GPHN: variants seen among roughly 807,000 people sequenced by gnomAD.
GPHN encodes gephyrin.
In GPHN, 17 loss-of-function variants were observed where a neutral mutation model predicts 95.5. The ratio of observed to expected loss-of-function variants is 0.18; its 90% CI spans 0.12 to 0.27. GPHN has a LOEUF of 0.27. GPHN is among the 10% of genes least tolerant of loss of function. The probability of loss-of-function intolerance (pLI) is 1.00; values close to 1 mark genes in which losing one functional copy is unlikely to be tolerated. For missense variants in GPHN, 660 were observed against 978.1 expected, an observed-to-expected ratio of 0.67 and a Z score of 4.34; for synonymous variants, 320 against 322.5, an observed-to-expected ratio of 0.99 and a Z score of 0.08.
intron 17 of GPHN, among the ~76,000 whole-genome samples, chr14:67,134,359 G>A (rs1237083268): frequency 1.3e-5 from 2 of 152,176 alleles, no homozygotes; most frequent in Non-Finnish European, 1.5e-5. Flanking sequence ...TGCCAAATAA[G>A]TTGGCTTCCT....
At chr14:67,036,501 G>GCACACA (rs762967467) in intron 10 of GPHN, among the ~76,000 whole-genome samples, 1,723 of 118,162 alleles carry the variant, frequency 0.015, 37 homozygotes, top group Middle Eastern at 0.035. Flanking sequence ...ATACATACAT[G>GCACACA]CACACACACA....
the GPHN span, among the ~76,000 whole-genome samples, chr14:67,601,039 G>A: frequency 0.86 from 130,751 of 152,246 alleles, 56,552 homozygotes; most frequent in Admixed American, 0.91. Flanking sequence ...GTTGATGACA[G>A]TCTCTGCCCT....
At chr14:67,100,818 A>G (rs1399065839) in intron 12 of GPHN, 38 bp from the exon 13 acceptor site, 5 of 1,387,140 alleles carry the variant, frequency 3.6e-6, no homozygotes, top group Middle Eastern at 1.8e-4. Context: ...CTGTAGGTCC[A>G]TACTGATGTT....
the GPHN span, among the ~76,000 whole-genome samples, chr14:67,443,586 AAAAG>A: frequency 7.4e-4 from 113 of 152,188 alleles, no homozygotes; most frequent in African/African-American, 2.5e-3. Context: ...AGGAAAAAAA[AAAAG>A]AAAGAAAGAA....
At chr14:67,087,120 G>A (rs2076938097) in intron 11 of GPHN, among the ~76,000 whole-genome samples, 1 of 151,604 alleles carries the variant, frequency 6.6e-6, no homozygotes, top group African/African-American at 2.4e-5. Context: ...GGGATTAAGT[G>A]AGATTATATA....
chr14:66,743,220 G>A (rs1334413339), intron 2 of GPHN, among the ~76,000 whole-genome samples: 1 of 151,280 alleles, frequency 6.6e-6, no homozygotes. Flanking sequence ...TATACTTCTG[G>A]TAGACTTTTA....
At chr14:67,165,535 A>T (rs2082226579) in intron 20 of GPHN, among the ~76,000 whole-genome samples, 1 of 152,220 alleles carries the variant, frequency 6.6e-6, no homozygotes, top group Admixed American at 6.5e-5. Flanking sequence ...ATCTTTCTGG[A>T]GCACCTGCTT....
chr14:67,164,171 G>A (rs1369213542), intron 19 of GPHN, among the ~76,000 whole-genome samples: 4 of 150,968 alleles, frequency 2.6e-5, no homozygotes, highest in East Asian at 4.0e-4. Flanking sequence ...GGGAGGCTGA[G>A]GCAGGAGAAT....
At chr14:67,595,032 G>C in the GPHN span, among the ~76,000 whole-genome samples, 1 of 152,088 alleles carries the variant, frequency 6.6e-6, no homozygotes, top group Non-Finnish European at 1.5e-5. Flanking sequence ...AGCTACTCGG[G>C]AGGCTGAGGC....
the GPHN span, among the ~76,000 whole-genome samples, chr14:67,361,996 G>T: frequency 6.6e-6 from 1 of 150,774 alleles, no homozygotes; most frequent in Non-Finnish European, 1.5e-5. Flanking sequence ...TAATTACTTA[G>T]GTAAGAGTCT....
the GPHN span, among the ~76,000 whole-genome samples, chr14:67,665,845 CTGTT>C: frequency 6.6e-6 from 1 of 152,044 alleles, no homozygotes; most frequent in Non-Finnish European, 1.5e-5. Context: ...AAACCCATGG[CTGTT>C]TGTTGTTTAA....
At chr14:66,593,795 C>G (rs2061860353) in intron 1 of GPHN, among the ~76,000 whole-genome samples, 1 of 152,052 alleles carries the variant, frequency 6.6e-6, no homozygotes, top group Admixed American at 6.6e-5. Flanking sequence ...CACTTTTGTT[C>G]AACACAGTAC....
the GPHN span, among the ~76,000 whole-genome samples, chr14:67,215,409 T>G: frequency 6.6e-6 from 1 of 151,932 alleles, no homozygotes; most frequent in Non-Finnish European, 1.5e-5. Context: ...ATCTATTGTT[T>G]TTTTTTTTTA....
At chr14:67,328,972 G>A in the GPHN span, among the ~76,000 whole-genome samples, 1 of 152,006 alleles carries the variant, frequency 6.6e-6, no homozygotes, top group Non-Finnish European at 1.5e-5. Context: ...CTCTTTTTTG[G>A]TTCCATATGA....
the GPHN span, among the ~76,000 whole-genome samples, chr14:67,478,466 C>G: frequency 6.6e-6 from 1 of 152,246 alleles, no homozygotes; most frequent in Non-Finnish European, 1.5e-5. Flanking sequence ...GGTCTCCCAG[C>G]TTTGCCTTCT....
At chr14:67,193,530 T>C in the GPHN span, among the ~76,000 whole-genome samples, 1 of 143,604 alleles carries the variant, frequency 7.0e-6, no homozygotes, top group Non-Finnish European at 1.5e-5. Flanking sequence ...TAGATATAGA[T>C]CTATAGAAAT....
At chr14:67,439,533 G>GTTTCTTTCTTTCTTTTTC in the GPHN span, among the ~76,000 whole-genome samples, 38 of 96,144 alleles carry the variant, frequency 4.0e-4, no homozygotes, top group African/African-American at 1.7e-3. Flanking sequence ...AAATTCAATA[G>GTTTCTTTCTTTCTTTTTC]TTTCTTTCTT....
At chr14:67,638,937 A>G in the GPHN span, among the ~76,000 whole-genome samples, 1 of 152,262 alleles carries the variant, frequency 6.6e-6, no homozygotes, top group African/African-American at 2.4e-5. Flanking sequence ...CTGAATAGCC[A>G]GAATGCTGTT....
At chr14:67,154,304 AG>A (rs2081454222) in intron 18 of GPHN, among the ~76,000 whole-genome samples, 1 of 152,234 alleles carries the variant, frequency 6.6e-6, no homozygotes, top group Non-Finnish European at 1.5e-5. Flanking sequence ...TACCTCTTCT[AG>A]AATGACCTTT....
Sources: gnomAD v4.1 joint callset for allele counts (sites outside exome capture counted in the v4.1 genomes callset) on GRCh38, gnomAD v4.1.1 for gene constraint, MANE v1.5 for transcripts, NCBI Gene and HGNC (gene_info 2026-07-23, HGNC 2026-07-21) for gene names.